Variants in CCDC171 observed in about 807,000 individuals in gnomAD.
The protein encoded by CCDC171 is coiled-coil domain containing 171.
In CCDC171, 177 loss-of-function variants were observed where a neutral mutation model predicts 168.2. The observed-to-expected ratio is 1.05, with a 90% CI of 0.93 to 1.19. The LOEUF is 1.19. CCDC171 is among the 50% of genes most tolerant of loss of function. The pLI, the probability that CCDC171 is intolerant of heterozygous loss-of-function variation, is 0.00. For synonymous variants in CCDC171, 687 were observed against 540.8 expected (o/e 1.27, Z -3.75); for missense variants, 1,991 against 1,539.0 (o/e 1.29, Z -4.91).
chr9:15,890,042 C>G (rs1243277347), intron 24 of CCDC171, among the ~76,000 whole-genome samples: 2 of 152,084 alleles, frequency 1.3e-5, no homozygotes, highest in African/African-American at 4.8e-5. Context: ...GGCTTTAAAC[C>G]AAAATGGCCA....
intron 25 of CCDC171, among the ~76,000 whole-genome samples, chr9:15,935,220 G>A (rs1826975537): frequency 6.6e-6 from 1 of 151,988 alleles, no homozygotes; most frequent in Non-Finnish European, 1.5e-5. Flanking sequence ...GTGTAGGATA[G>A]GCAGGTAGAT....
At chr9:15,892,861 C>T (rs1316634080) in intron 24 of CCDC171, among the ~76,000 whole-genome samples, 1 of 151,966 alleles carries the variant, frequency 6.6e-6, no homozygotes, top group African/African-American at 2.4e-5. Context: ...CCTTACTGTC[C>T]CAAATAATTT....
At chr9:15,977,310 T>G (rs1303444390), downstream of CCDC171, among the ~76,000 whole-genome samples, 5 of 152,178 alleles carry the variant, frequency 3.3e-5, no homozygotes, top group East Asian at 9.6e-4. Context: ...TGTGGGCAAA[T>G]TACATTTCCA....
chr9:15,631,378 A>C (rs898201637), intron 7 of CCDC171, among the ~76,000 whole-genome samples: 1 of 152,226 alleles, frequency 6.6e-6, no homozygotes, highest in Non-Finnish European at 1.5e-5. Flanking sequence ...CTACCATCAG[A>C]GAATAGTATA....
chr9:15,762,214 A>C (rs1288786464), intron 18 of CCDC171, among the ~76,000 whole-genome samples: 5 of 151,572 alleles, frequency 3.3e-5, no homozygotes, highest in Admixed American at 2.6e-4. Context: ...CTAACAAAGC[A>C]ACATAGTTAT....
chr9:15,987,704 T>C (rs555885398), intron 3 of CCDC171, among the ~76,000 whole-genome samples: 1 of 152,276 alleles, frequency 6.6e-6, no homozygotes, highest in East Asian at 1.9e-4. Flanking sequence ...AAAATACAGG[T>C]TGAGTATCCC....
At chr9:15,916,568 A>C (rs1241883307) in intron 24 of CCDC171, among the ~76,000 whole-genome samples, 4 of 152,142 alleles carry the variant, frequency 2.6e-5, no homozygotes, top group African/African-American at 7.2e-5. Context: ...TTCTTCTCTT[A>C]ATATCAGTCC....
chr9:16,048,966 C>T (rs901401672), intron 1 of CCDC171, among the ~76,000 whole-genome samples: 2 of 150,756 alleles, frequency 1.3e-5, no homozygotes, highest in African/African-American at 4.9e-5. Flanking sequence ...AAAAAAAACC[C>T]AAACACCATA....
At chr9:15,954,542 A>C (rs760895090) in intron 25 of CCDC171, among the ~76,000 whole-genome samples, 4 of 152,018 alleles carry the variant, frequency 2.6e-5, no homozygotes, top group Non-Finnish European at 4.4e-5. Flanking sequence ...AGATCTCCAC[A>C]GTGCATATGT....
At position 15,690,781 on chromosome 9, in the gene CCDC171, G is replaced by A. The variant is rs553276887; in HGVS notation, c.1216-4454G>A. 1.1e-4 allele frequency among the ~76,000 whole-genome samples: 17 copies of A among 152,144 alleles called. No individual in the cohort carries two copies. In the South Asian group the frequency reaches 1.9e-3, roughly 17 times the overall value. On this transcript the variant is annotated intron_variant, in intron 10 of 25. Transcript: ENST00000380701. ...AGATTGCTTTTATAATTTATGGAGC[G>A]CTTTTATAAACCACTAAGGAAGAAA...
In CCDC171 at chr9:15,973,510, A is replaced by G. The variant is rs1831526396; in HGVS notation, c.*1674A>G. ...AACACATCCTATTCTTGTAATACTG[A>G]ACCACTATAATTAGCTTTATATAAA... On this transcript the variant is annotated 3_prime_UTR_variant, in exon 26 of 26. Coordinates refer to ENST00000380701, the MANE Select transcript of CCDC171 (RefSeq NM_173550.4). The G allele has an allele frequency of 6.6e-6, 1 of 152,160 alleles. No individual in the cohort carries two copies. Among genetic ancestry groups the G allele is most frequent in the South Asian group, 2.1e-4 (1 of 4,832 alleles). 9.4% of individuals were successfully genotyped at this position (152,160 alleles called of 1,614,324 possible). A position where few individuals can be genotyped will look rare whatever the true frequency, so the allele number is the denominator to read the frequency against.
chr9:15,945,549 C>T (rs1203404437), intron 25 of CCDC171, among the ~76,000 whole-genome samples: 11 of 140,072 alleles, frequency 7.9e-5, no homozygotes, highest in Non-Finnish European at 1.6e-4. Flanking sequence ...CTGTTGTTTC[C>T]TGACTTTTTA....
chr9:16,031,713 A>G (rs970606928), intron 6 of CCDC171, among the ~76,000 whole-genome samples: 2 of 152,208 alleles, frequency 1.3e-5, no homozygotes, highest in Non-Finnish European at 2.9e-5. Context: ...CTGAATCATA[A>G]TATGTAACCA....
At chr9:15,984,124 T>A (rs1209810162) in intron 3 of CCDC171, among the ~76,000 whole-genome samples, 1 of 152,164 alleles carries the variant, frequency 6.6e-6, no homozygotes, top group African/African-American at 2.4e-5. Context: ...GGCAACAAGA[T>A]AAGAAAGAAG....
intron 7 of CCDC171, among the ~76,000 whole-genome samples, chr9:15,632,615 C>G (rs1448688115): frequency 6.6e-6 from 1 of 152,076 alleles, no homozygotes; most frequent in African/African-American, 2.4e-5. Flanking sequence ...TTTATAGATT[C>G]AATGCCATCC....
At chr9:15,823,652 G>T (rs2059891418) in intron 21 of CCDC171, among the ~76,000 whole-genome samples, 1 of 152,052 alleles carries the variant, frequency 6.6e-6, no homozygotes. Flanking sequence ...TTATAGAAAA[G>T]CCAAATATAT....
chr9:15,985,688 G>T (rs1047438180), intron 3 of CCDC171, among the ~76,000 whole-genome samples: 1 of 152,180 alleles, frequency 6.6e-6, no homozygotes, highest in African/African-American at 2.4e-5. Flanking sequence ...ACTGTAATAT[G>T]TAGAATAACT....
intron 3 of CCDC171, among the ~76,000 whole-genome samples, chr9:15,993,592 A>T (rs529226115): frequency 4.6e-5 from 7 of 152,202 alleles, no homozygotes; most frequent in South Asian, 2.1e-4. Context: ...AAATTGACAA[A>T]TGGGATCTAA....
At chr9:15,707,199 C>T (rs2133968964) in intron 11 of CCDC171, among the ~76,000 whole-genome samples, 1 of 152,270 alleles carries the variant, frequency 6.6e-6, no homozygotes, top group South Asian at 2.1e-4. Context: ...GGTTTACAAA[C>T]CAAACTTGCC....
Sources: allele counts gnomAD v4.1 joint callset (sites outside exome capture counted in the v4.1 genomes callset), GRCh38; gene constraint gnomAD v4.1.1; transcripts MANE v1.5; gene names NCBI Gene and HGNC (gene_info 2026-07-23, HGNC 2026-07-21).